Variants in IL1RAPL2 observed in about 807,000 individuals in gnomAD.
IL1RAPL2 encodes the protein X-linked interleukin-1 receptor accessory protein-like 2.
IL1RAPL2 carries 3 observed loss-of-function variants against 44.1 expected under a neutral mutation model. The ratio of observed to expected loss-of-function variants is 0.07; its 90% CI spans 0.03 to 0.18. The LOEUF (loss-of-function observed/expected upper bound fraction) is 0.18. Among genes scored for constraint, IL1RAPL2 ranks in the 10% least tolerant of loss-of-function variants. IL1RAPL2 has a pLI of 1.00. For synonymous variants in IL1RAPL2, 181 were observed against 178.8 expected (o/e 1.01, Z -0.10); for missense variants, 391 against 496.4 (o/e 0.79, Z 2.02).
chrX:105,407,573 T>C (rs1052911942), intron 5 of IL1RAPL2, among the ~76,000 whole-genome samples: 6 of 111,907 alleles, frequency 5.4e-5, no homozygotes, highest in Admixed American at 4.8e-4. Context: ...TGTCATACCA[T>C]ATGAATATGG....
intron 1 of IL1RAPL2, among the ~76,000 whole-genome samples, chrX:104,655,690 A>T (rs1003034959): frequency 1.8e-5 from 2 of 111,837 alleles, no homozygotes; most frequent in African/African-American, 6.5e-5. Flanking sequence ...GCCTCATAAA[A>T]TGAGTTAGGG....
intron 5 of IL1RAPL2, among the ~76,000 whole-genome samples, chrX:105,394,267 T>C (rs1367917402): frequency 1.8e-5 from 2 of 112,340 alleles, no homozygotes; most frequent in Non-Finnish European, 3.8e-5. Flanking sequence ...GTGTTTACTT[T>C]GAATTACCTG....
intron 6 of IL1RAPL2, among the ~76,000 whole-genome samples, chrX:105,661,318 A>T (rs764562321): frequency 2.7e-5 from 3 of 112,099 alleles, no homozygotes; most frequent in Non-Finnish European, 3.8e-5. Context: ...GCCTCATGCA[A>T]TAATATCTGG....
rs535834188 is a variant in IL1RAPL2 at position 105,100,159 on chromosome X, C to G, written c.83-95316C>G. 2.6e-4 allele frequency among the ~76,000 whole-genome samples: 29 copies of G among 111,809 alleles called. No individual in the cohort carries two copies. In the South Asian group the frequency reaches 0.01, roughly 40 times the overall value. ...CTTACTGTGCCCAATTTATAAATGACAATTCATCATAGATCTGTATGTAGA... is the reference window on the plus strand; with the variant it reads ...CTTACTGTGCCCAATTTATAAATGAGAATTCATCATAGATCTGTATGTAGA... On this transcript the variant is annotated intron_variant, in intron 2 of 10. Transcript: ENST00000372582.
chrX:104,914,048 T>A (rs1349329185), intron 2 of IL1RAPL2, among the ~76,000 whole-genome samples: 1 of 111,574 alleles, frequency 9.0e-6, no homozygotes, highest in African/African-American at 3.3e-5. Flanking sequence ...GAGCAGCGTT[T>A]CTCTAAATAG....
intron 2 of IL1RAPL2, among the ~76,000 whole-genome samples, chrX:104,850,499 G>A (rs1179195569): frequency 9.0e-6 from 1 of 111,724 alleles, no homozygotes; most frequent in East Asian, 2.8e-4. Context: ...TTGAACTGAA[G>A]ATTTTGATCT....
At chrX:104,696,903 T>C (rs1292242144) in intron 2 of IL1RAPL2, among the ~76,000 whole-genome samples, 5 of 111,865 alleles carry the variant, frequency 4.5e-5, no homozygotes, top group Admixed American at 1.9e-4. Context: ...AAAGGATAGA[T>C]TTGGCACACC....
chrX:105,406,399 T>G, intron 5 of IL1RAPL2: 13 of 1,074,763 alleles, frequency 1.2e-5, no homozygotes, highest in Non-Finnish European at 1.6e-5. Flanking sequence ...AAGCAAGATT[T>G]TTTGGTATTG....
chrX:105,167,974 C>T (rs1360329025), intron 2 of IL1RAPL2, among the ~76,000 whole-genome samples: 22 of 111,470 alleles, frequency 2.0e-4, no homozygotes, highest in Non-Finnish European at 9.4e-5. Flanking sequence ...TGTTCAAAGT[C>T]GTACAGCCAA....
intron 2 of IL1RAPL2, among the ~76,000 whole-genome samples, chrX:104,776,111 C>A (rs1476000532): frequency 8.9e-6 from 1 of 111,885 alleles, no homozygotes; most frequent in Non-Finnish European, 1.9e-5. Context: ...TATACATATT[C>A]CCTTATTCAT....
intron 3 of IL1RAPL2, among the ~76,000 whole-genome samples, chrX:105,224,825 A>T (rs944580804): frequency 7.2e-5 from 8 of 111,619 alleles, no homozygotes; most frequent in Non-Finnish European, 1.3e-4. Context: ...TTGGGGAAGG[A>T]TTTCTGGAGG....
chrX:104,764,775 A>T (rs1175726980), intron 2 of IL1RAPL2, among the ~76,000 whole-genome samples: 1 of 112,128 alleles, frequency 8.9e-6, no homozygotes, highest in Admixed American at 9.4e-5. Flanking sequence ...GCAATGTTTA[A>T]TTTTATCAAA....
intron 6 of IL1RAPL2, among the ~76,000 whole-genome samples, chrX:105,703,871 A>C (rs749251679): frequency 1.8e-5 from 2 of 112,129 alleles, no homozygotes; most frequent in Non-Finnish European, 3.8e-5. Context: ...ATAGTGAAAA[A>C]TATGAATTAT....
At chrX:104,735,656 A>G (rs2147574870) in intron 2 of IL1RAPL2, among the ~76,000 whole-genome samples, 1 of 111,615 alleles carries the variant, frequency 9.0e-6, no homozygotes, top group South Asian at 3.7e-4. Context: ...CAATAATGTG[A>G]ATTGCTTTGT....
chrX:105,129,688 G>A (rs2033008564), intron 2 of IL1RAPL2, among the ~76,000 whole-genome samples: 1 of 110,366 alleles, frequency 9.1e-6, no homozygotes, highest in Admixed American at 9.7e-5. Context: ...AAGATGGCTG[G>A]GATTAAAGAA....
At chrX:105,750,331 T>A (rs2038585795) in intron 9 of IL1RAPL2, among the ~76,000 whole-genome samples, 1 of 99,273 alleles carries the variant, frequency 1.0e-5, no homozygotes, top group Non-Finnish European at 2.0e-5. Flanking sequence ...TGGAGTGCAG[T>A]GGTGCAATCC....
rs192268739 is a variant in IL1RAPL2, at chrX:104,608,441, G to A, written c.-20+41390G>A. 6.5e-4 allele frequency among the ~76,000 whole-genome samples: 72 copies of A among 110,607 alleles called. 2 individuals carry two copies. In the East Asian group the frequency reaches 0.019, roughly 28 times the overall value. On this transcript the variant is annotated intron_variant, in intron 1 of 10. Coordinates refer to ENST00000372582, the MANE Select transcript of IL1RAPL2 (RefSeq NM_017416.2). Reference sequence around the variant, plus strand: ...CTAATGTTGACAATGGGGTGTTAAAGTTTCCCATTATTATTGTGTGGGAGT... The same window carrying A: ...CTAATGTTGACAATGGGGTGTTAAAATTTCCCATTATTATTGTGTGGGAGT...
At chrX:105,302,314 T>C (rs2034703090) in intron 5 of IL1RAPL2, among the ~76,000 whole-genome samples, 1 of 112,159 alleles carries the variant, frequency 8.9e-6, no homozygotes, top group Non-Finnish European at 1.9e-5. Flanking sequence ...TTCTGTGGGC[T>C]AGCTTTTCAG....
intron 3 of IL1RAPL2, among the ~76,000 whole-genome samples, chrX:105,197,790 G>T (rs1293440460): frequency 3.6e-5 from 4 of 110,378 alleles, no homozygotes; most frequent in African/African-American, 1.3e-4. Flanking sequence ...AGGCTCAAGG[G>T]TATATGTGCA....
Sources: allele counts gnomAD v4.1 joint callset (sites outside exome capture counted in the v4.1 genomes callset), GRCh38; gene constraint gnomAD v4.1.1; transcripts MANE v1.5; gene names NCBI Gene and HGNC (gene_info 2026-07-23, HGNC 2026-07-21).